KIAA1217: variants seen among roughly 807,000 people sequenced by gnomAD.
The protein encoded by KIAA1217 is sickle tail protein homolog.
Under a neutral mutation model 163.9 loss-of-function variants are expected in KIAA1217, and 88 were observed. The ratio of observed to expected loss-of-function variants is 0.54; its 90% CI spans 0.45 to 0.64. KIAA1217 has a LOEUF of 0.64. Among genes scored for constraint, KIAA1217 ranks in the 30% least tolerant of loss-of-function variants. The pLI, the probability that KIAA1217 is intolerant of heterozygous loss-of-function variation, is 0.00. For synonymous variants in KIAA1217, 903 were observed against 923.1 expected (o/e 0.98, Z 0.39); for missense variants, 2,372 against 2,475.0 (o/e 0.96, Z 0.88).
At chr10:24,509,807 C>A (rs562231971) in intron 9 of KIAA1217, among the ~76,000 whole-genome samples, 1 of 151,666 alleles carries the variant, frequency 6.6e-6, no homozygotes, top group African/African-American at 2.4e-5. Context: ...TGTATTCTGA[C>A]AATAAAGTAA....
intron 6 of KIAA1217, among the ~76,000 whole-genome samples, chr10:24,490,349 T>C (rs886494315): frequency 2.6e-5 from 4 of 152,212 alleles, no homozygotes; most frequent in African/African-American, 9.7e-5. Flanking sequence ...CATGAAAAAT[T>C]GCCACTGCAA....
chr10:24,193,749 C>G (rs1309765211), intron 2 of KIAA1217, among the ~76,000 whole-genome samples: 1 of 151,178 alleles, frequency 6.6e-6, no homozygotes, highest in Non-Finnish European at 1.5e-5. Context: ...TAGAGCAGAT[C>G]ACAGTACTCA....
intron 1 of KIAA1217, among the ~76,000 whole-genome samples, chr10:23,878,790 C>G (rs1840822775): frequency 6.6e-6 from 1 of 151,806 alleles, no homozygotes; most frequent in African/African-American, 2.4e-5. Context: ...AGGTGTTGAG[C>G]AGTGACAGGT....
At position 23,817,998 on chromosome 10, in the gene KIAA1217, T is replaced by TACACAC. The variant is rs1299529809; in HGVS notation, c.-321+122765_-321+122766insCACACA. Among the ~76,000 whole-genome samples, 76 of 103,724 alleles carry TACACAC rather than the reference T, an allele frequency of 7.3e-4. 1 individual carries two copies. The highest frequency in any genetic ancestry group is 3.1e-3 in the African/African-American group (72 of 23,596). 68.0% of individuals were successfully genotyped at this position (103,724 alleles called of 152,430 possible). On this transcript the variant is annotated intron_variant, in intron 1 of 18. Transcript: ENST00000376462. ...ATATATATATATATATATATATATA[T>TACACAC]ATATATATATACACACATATATATA...
chr10:24,162,281 G>A (rs891604620), intron 2 of KIAA1217, among the ~76,000 whole-genome samples: 7 of 152,234 alleles, frequency 4.6e-5, no homozygotes, highest in African/African-American at 7.2e-5. Context: ...TTTAAAGGAA[G>A]TCTGCCTAAA....
rs369072123 is a variant in KIAA1217 at position 23,790,213 on chromosome 10, A to G, written c.-321+94979A>G. 4.6e-4 allele frequency among the ~76,000 whole-genome samples: 16 copies of G among 34,774 alleles called. 1 individual carries two copies. Among genetic ancestry groups the G allele is most frequent in the South Asian group, 9.0e-4 (1 of 1,116 alleles). The allele number at this position is 34,774 out of a possible 152,430, so 22.8% of individuals were successfully genotyped here. ...TATACACATATGCATATACACATAT[A>G]CACATATGCATATGCACATATGCAT... On this transcript the variant is annotated intron_variant, in intron 1 of 18. Transcript: ENST00000376462.
At chr10:24,369,710 G>T (rs1332566141) in intron 2 of KIAA1217, among the ~76,000 whole-genome samples, 2 of 152,138 alleles carry the variant, frequency 1.3e-5, no homozygotes, top group Non-Finnish European at 2.9e-5. Flanking sequence ...AAGGCTACAA[G>T]CAGGTTTCTT....
intron 2 of KIAA1217, among the ~76,000 whole-genome samples, chr10:24,080,843 T>G (rs546005317): frequency 6.6e-6 from 1 of 152,212 alleles, no homozygotes; most frequent in Non-Finnish European, 1.5e-5. Flanking sequence ...GAAAACACAA[T>G]GATTAACTTA....
chr10:24,499,141 CTCTG>C (rs1564804017), intron 8 of KIAA1217, among the ~76,000 whole-genome samples: 2 of 152,140 alleles, frequency 1.3e-5, no homozygotes, highest in Non-Finnish European at 2.9e-5. Context: ...GCCTATCCCT[CTCTG>C]TCTGGGGAAT....
At chr10:24,278,423 C>A (rs1365335241) in intron 2 of KIAA1217, among the ~76,000 whole-genome samples, 1 of 152,184 alleles carries the variant, frequency 6.6e-6, no homozygotes, top group Admixed American at 6.6e-5. Flanking sequence ...TGTTTAATCC[C>A]ACTGACCTTC....
At chr10:24,179,298 G>A (rs928301992) in intron 2 of KIAA1217, among the ~76,000 whole-genome samples, 1 of 152,128 alleles carries the variant, frequency 6.6e-6, no homozygotes, top group Non-Finnish European at 1.5e-5. Context: ...AGGGCTTGGT[G>A]GGAGGTGATT....
chr10:24,087,156 T>C (rs962025405), intron 2 of KIAA1217, among the ~76,000 whole-genome samples: 2 of 152,230 alleles, frequency 1.3e-5, no homozygotes, highest in African/African-American at 4.8e-5. Context: ...TGAGATTTAG[T>C]TGGACTCAGA....
intron 1 of KIAA1217, among the ~76,000 whole-genome samples, chr10:23,850,502 T>C (rs1029137263): frequency 6.6e-6 from 1 of 152,120 alleles, no homozygotes; most frequent in Non-Finnish European, 1.5e-5. Context: ...ACTACTCAAC[T>C]GTGATCTTTA....
chr10:23,953,270 A>G (rs1408770301), intron 1 of KIAA1217, among the ~76,000 whole-genome samples: 1 of 152,228 alleles, frequency 6.6e-6, no homozygotes, highest in Non-Finnish European at 1.5e-5. Context: ...TCAGTGGTTT[A>G]ACATATTATG....
intron 2 of KIAA1217, among the ~76,000 whole-genome samples, chr10:24,267,967 C>G (rs1433423769): frequency 1.3e-5 from 2 of 152,222 alleles, no homozygotes; most frequent in Non-Finnish European, 2.9e-5. Flanking sequence ...AATGTGCCTT[C>G]TGATGACCCT....
At chr10:23,819,294 T>C (rs1837508470) in intron 1 of KIAA1217, among the ~76,000 whole-genome samples, 1 of 152,134 alleles carries the variant, frequency 6.6e-6, no homozygotes, top group Admixed American at 6.5e-5. Flanking sequence ...TAAGCAGAAC[T>C]GTTGTTTGGG....
chr10:23,881,740 G>T (rs1481473078), intron 1 of KIAA1217, among the ~76,000 whole-genome samples: 1 of 151,930 alleles, frequency 6.6e-6, no homozygotes. Flanking sequence ...GGGCAGCTTG[G>T]ATATGTTGCT....
chr10:24,381,623 C>T (rs2053314406), intron 3 of KIAA1217, among the ~76,000 whole-genome samples: 1 of 152,182 alleles, frequency 6.6e-6, no homozygotes, highest in African/African-American at 2.4e-5. Context: ...AAACCATCTG[C>T]CATCCATGGA....
intron 1 of KIAA1217, among the ~76,000 whole-genome samples, chr10:23,940,082 G>T (rs1437505261): frequency 6.6e-6 from 1 of 151,864 alleles, no homozygotes; most frequent in Non-Finnish European, 1.5e-5. Flanking sequence ...ATCATCAAGA[G>T]GATGTAACAA....
Sources: gnomAD v4.1 joint callset for allele counts (sites outside exome capture counted in the v4.1 genomes callset) on GRCh38, gnomAD v4.1.1 for gene constraint, MANE v1.5 for transcripts, NCBI Gene and HGNC (gene_info 2026-07-23, HGNC 2026-07-21) for gene names.